Variants in DPYD observed in about 807,000 individuals in gnomAD.
DPYD encodes the protein dihydropyrimidine dehydrogenase [NADP(+)].
A neutral mutation model predicts 116.2 loss-of-function variants in DPYD; 109 were observed. The ratio of observed to expected loss-of-function variants is 0.94; its 90% CI spans 0.80 to 1.10. The LOEUF is 1.10. Ranked by LOEUF, DPYD falls within the 50% of genes least tolerant of loss-of-function variation. The pLI, the probability that DPYD is intolerant of heterozygous loss-of-function variation, is 0.00. For synonymous variants in DPYD, 440 were observed against 432.0 expected (o/e 1.02, Z -0.23); for missense variants, 1,302 against 1,254.5 (o/e 1.04, Z -0.57).
intron 8 of DPYD, among the ~76,000 whole-genome samples, chr1:97,677,554 T>A (rs1362091288): frequency 1.3e-5 from 2 of 152,136 alleles, no homozygotes; most frequent in African/African-American, 4.8e-5. Flanking sequence ...AAGTCAAATA[T>A]AGTATGCCTA....
chr1:97,716,008 A>T (rs1662590592), intron 5 of DPYD, among the ~76,000 whole-genome samples: 2 of 152,120 alleles, frequency 1.3e-5, no homozygotes, highest in Non-Finnish European at 2.9e-5. Context: ...AAACAATCAT[A>T]TACTAATTTG....
Position 97,514,800 on chromosome 1 carries a change from C to T in DPYD, c.1740+926G>A, listed in dbSNP as rs190559606. 4.0e-5 allele frequency among the ~76,000 whole-genome samples: 6 copies of T among 151,638 alleles called. No individual in the cohort carries two copies. In the East Asian group the frequency reaches 9.7e-4, roughly 25 times the overall value. On this transcript the variant is annotated intron_variant, in intron 13 of 22. Coordinates refer to ENST00000370192, the MANE Select transcript of DPYD (RefSeq NM_000110.4). ...TTGTAAAGCTGTCAGAGTAAGACAG[C>T]CTTAATGTTTTAGCCATAATAATGC...
At chr1:97,727,403 G>C (rs1202083685) in intron 4 of DPYD, among the ~76,000 whole-genome samples, 2 of 151,756 alleles carry the variant, frequency 1.3e-5, no homozygotes, top group African/African-American at 4.8e-5. Flanking sequence ...CCAAATTATG[G>C]AGGATTCTGA....
At chr1:97,735,557 G>C (rs1009051220) in intron 4 of DPYD, among the ~76,000 whole-genome samples, 1 of 150,394 alleles carries the variant, frequency 6.6e-6, no homozygotes, top group Non-Finnish European at 1.5e-5. Flanking sequence ...GCGTGGTGGC[G>C]GGTGCCTGTA....
chr1:97,430,120 T>C lies in DPYD; in HGVS notation c.1905+19939A>G, dbSNP rs564448872. On this transcript the variant is annotated intron_variant, in intron 14 of 22. Coordinates refer to ENST00000370192, the MANE Select transcript of DPYD (RefSeq NM_000110.4). ...ATAATTCAGTTACGTTTATTGAGAA[T>C]GCTAAATAATGGCAACTCACATTTT... Among the ~76,000 whole-genome samples, 10 of 152,290 alleles carry C rather than the reference T, an allele frequency of 6.6e-5. No individual in the cohort carries two copies. In the South Asian group the frequency reaches 1.7e-3, roughly 25 times the overall value.
intron 14 of DPYD, among the ~76,000 whole-genome samples, chr1:97,436,865 T>A (rs1270453108): frequency 6.6e-6 from 1 of 151,912 alleles, no homozygotes; most frequent in East Asian, 1.9e-4. Context: ...GGGTAGGGAC[T>A]GAAGAGCTAG....
Position 97,289,532 on chromosome 1 carries a change from C to T in DPYD, c.2299+15727G>A, listed in dbSNP as rs528987386. On this transcript the variant is annotated intron_variant, in intron 18 of 22. Transcript: ENST00000370192. ...TCCCTGGGATGCAAGGCTGGTTCAACATACGCAAATCAATAAATGTAATCC... is the reference window on the plus strand; with the variant it reads ...TCCCTGGGATGCAAGGCTGGTTCAATATACGCAAATCAATAAATGTAATCC... 1.2e-4 allele frequency among the ~76,000 whole-genome samples: 18 copies of T among 151,390 alleles called. No homozygotes were observed. In the South Asian group the frequency reaches 1.5e-3, roughly 12 times the overall value.
At chr1:97,747,991 T>C (rs1407538774) in intron 3 of DPYD, among the ~76,000 whole-genome samples, 1 of 152,208 alleles carries the variant, frequency 6.6e-6, no homozygotes, top group Non-Finnish European at 1.5e-5. Flanking sequence ...CAATCTTCAA[T>C]ATATTCTGAA....
chr1:97,385,230 C>T (rs114171971), intron 14 of DPYD, among the ~76,000 whole-genome samples: 1,891 of 126,364 alleles, frequency 0.015, 42 homozygotes, highest in African/African-American at 0.054. Context: ...AAAGAGGGCA[C>T]CAGATCTTCC....
At chr1:97,163,314 G>C (rs1265352130) in intron 20 of DPYD, among the ~76,000 whole-genome samples, 7 of 152,120 alleles carry the variant, frequency 4.6e-5, no homozygotes, top group Non-Finnish European at 1.0e-4. Flanking sequence ...ATCAAAAAGT[G>C]GGTGAAGGAC....
chr1:97,889,783 T>C (rs1672687885), intron 1 of DPYD, among the ~76,000 whole-genome samples: 1 of 151,926 alleles, frequency 6.6e-6, no homozygotes, highest in Admixed American at 6.6e-5. Flanking sequence ...TATAACACTC[T>C]AAAAGAGCAA....
rs568707692 is a variant in DPYD, at chr1:97,906,896, T to C, written c.39+13988A>G. Among the ~76,000 whole-genome samples the C allele has an allele frequency of 3.3e-5, 5 of 152,258 alleles. No individual in the cohort carries two copies. The South Asian group carries it at 8.3e-4, about 25-fold the overall frequency. On this transcript the variant is annotated intron_variant, in intron 1 of 22. Coordinates refer to ENST00000370192, the MANE Select transcript of DPYD (RefSeq NM_000110.4). ...ATTTTCACTTGAGGAAGCACTTTAC[T>C]GCTTCTCTTTGGCATATATGAATTG...
intron 1 of DPYD, among the ~76,000 whole-genome samples, chr1:97,915,555 T>C (rs964249926): frequency 1.3e-5 from 2 of 152,136 alleles, no homozygotes; most frequent in Non-Finnish European, 2.9e-5. Context: ...ATGACTGATA[T>C]TTGAGGCCAA....
chr1:97,899,731 C>T (rs565563958), intron 1 of DPYD, among the ~76,000 whole-genome samples: 1 of 152,016 alleles, frequency 6.6e-6, no homozygotes, highest in South Asian at 2.1e-4. Flanking sequence ...TCTTTACTCA[C>T]TTTTATATAG....
chr1:97,598,672 C>T, intron 8 of DPYD, among the ~76,000 whole-genome samples: 1 of 152,076 alleles, frequency 6.6e-6, no homozygotes, highest in Non-Finnish European at 1.5e-5. Flanking sequence ...GCTTATGTTA[C>T]AGAAAATTTA....
intron 3 of DPYD, among the ~76,000 whole-genome samples, chr1:97,792,106 G>C (rs186836454): frequency 6.6e-6 from 1 of 152,166 alleles, no homozygotes; most frequent in East Asian, 1.9e-4. Context: ...ATGCAGTACC[G>C]AGTGAAGATA....
chr1:97,297,519 A>G (rs923461690), intron 18 of DPYD, among the ~76,000 whole-genome samples: 1 of 152,184 alleles, frequency 6.6e-6, no homozygotes, highest in Admixed American at 6.6e-5. Flanking sequence ...ATGACTTTGG[A>G]AGAGCTCAGT....
chr1:97,599,279 C>T (rs867900785), intron 8 of DPYD, among the ~76,000 whole-genome samples: 4 of 152,144 alleles, frequency 2.6e-5, no homozygotes, highest in African/African-American at 9.7e-5. Context: ...CAAAGCACCT[C>T]CCTCTGGAAC....
At chr1:97,393,357 A>G (rs1192164624) in intron 14 of DPYD, among the ~76,000 whole-genome samples, 2 of 151,698 alleles carry the variant, frequency 1.3e-5, no homozygotes, top group Non-Finnish European at 2.9e-5. Flanking sequence ...GGTTTGTTAC[A>G]TATGTATACA....
Sources: gnomAD v4.1 joint callset for allele counts (sites outside exome capture counted in the v4.1 genomes callset) on GRCh38, gnomAD v4.1.1 for gene constraint, MANE v1.5 for transcripts, NCBI Gene and HGNC (gene_info 2026-07-23, HGNC 2026-07-21) for gene names.